The following TDRP variants were observed in gnomAD, a reference collection of about 807,000 sequenced individuals.
TDRP encodes testis development-related protein.
A neutral mutation model predicts 10.5 loss-of-function variants in TDRP; 12 were observed. The ratio of observed to expected loss-of-function variants is 1.15; its 90% CI spans 0.73 to 1.86. The LOEUF is 1.86. TDRP is among the 40% of genes most tolerant of loss of function. The pLI, the probability that TDRP is intolerant of heterozygous loss-of-function variation, is 0.00. For synonymous variants in TDRP, 139 were observed against 95.4 expected, an observed-to-expected ratio of 1.46 and a Z score of -2.67; for missense variants, 353 against 229.2, an observed-to-expected ratio of 1.54 and a Z score of -3.49.
intron 1 of TDRP, among the ~76,000 whole-genome samples, chr8:514,283 G>C (rs1232806499): frequency 1.3e-5 from 2 of 152,292 alleles, no homozygotes; most frequent in East Asian, 3.9e-4. Flanking sequence ...AAAGAACTAA[G>C]CGTCCAGAAA....
chr8:543,244 T>C (rs1350759640), intron 1 of TDRP, among the ~76,000 whole-genome samples: 2 of 152,024 alleles, frequency 1.3e-5, no homozygotes, highest in Non-Finnish European at 2.9e-5. Context: ...CCCAGGCAGG[T>C]TGAGGCCGTA....
chr8:533,884 A>T (rs990760863), intron 1 of TDRP, among the ~76,000 whole-genome samples: 1 of 152,216 alleles, frequency 6.6e-6, no homozygotes, highest in Admixed American at 6.5e-5. Context: ...TATCTCCCAT[A>T]GTAAGACTCT....
At chr8:499,631 A>G (rs1338635392) in intron 1 of TDRP, among the ~76,000 whole-genome samples, 1 of 152,358 alleles carries the variant, frequency 6.6e-6, no homozygotes, top group Non-Finnish European at 1.5e-5. Context: ...TCGAAGTGTG[A>G]GCGTGAGGAG....
intron 1 of TDRP, among the ~76,000 whole-genome samples, chr8:496,301 T>A (rs907216695): frequency 6.6e-6 from 1 of 152,194 alleles, no homozygotes; most frequent in South Asian, 2.1e-4. Context: ...TGACAGAGCA[T>A]GTGGCAGGAT....
At chr8:514,445 A>C (rs543282143) in intron 1 of TDRP, among the ~76,000 whole-genome samples, 78 of 152,278 alleles carry the variant, frequency 5.1e-4, no homozygotes, top group Admixed American at 2.4e-3. Flanking sequence ...GCCTCCCACC[A>C]AGGGAACTGC....
chr8:533,242 T>C (rs145727020), intron 1 of TDRP, among the ~76,000 whole-genome samples: 1,709 of 152,322 alleles, frequency 0.011, 40 homozygotes, highest in African/African-American at 0.039. Context: ...TCTGACCCCA[T>C]GTCACTGCTG....
At chr8:545,421 A>T (rs1385508398), upstream of TDRP, among the ~76,000 whole-genome samples, 1 of 86,634 alleles carries the variant, frequency 1.2e-5, no homozygotes, top group African/African-American at 4.4e-5. Flanking sequence ...TCCCCCGCCG[A>T]CCCCCACTTA....
intron 1 of TDRP, among the ~76,000 whole-genome samples, chr8:520,861 G>T (rs7009270): frequency 0.03 from 4,607 of 152,226 alleles, 116 homozygotes; most frequent in Non-Finnish European, 0.047. Flanking sequence ...AGATATGGCT[G>T]AGAAATATTT....
rs941514809 is a variant in TDRP at position 490,891 on chromosome 8, G to T, written c.*1508C>A. On this transcript the variant is annotated 3_prime_UTR_variant, in exon 3 of 3. Transcript: ENST00000324079. Reference sequence around the variant, plus strand: ...ACTTCTTGTTCTATTAAAAAAAAAAGTAGATGATTGACAGAAGGCTAGATG... The same window carrying T: ...ACTTCTTGTTCTATTAAAAAAAAAATTAGATGATTGACAGAAGGCTAGATG... 5.3e-5 allele frequency: 8 copies of T among 152,016 alleles called. No individual in the cohort carries two copies. Among genetic ancestry groups the T allele is most frequent in the Non-Finnish European group, 1.2e-4 (8 of 68,008 alleles). The allele number at this position is 152,016 out of a possible 1,614,324, so 9.4% of individuals were successfully genotyped here. A position where few individuals can be genotyped will look rare whatever the true frequency, so the allele number is the denominator to read the frequency against.
At chr8:536,336 A>T (rs1563132964) in intron 1 of TDRP, among the ~76,000 whole-genome samples, 2 of 152,222 alleles carry the variant, frequency 1.3e-5, no homozygotes, top group Admixed American at 6.5e-5. Flanking sequence ...TGTGCTTTCC[A>T]AATCAGTTGG....
chr8:493,565 T>G (rs1379436796), intron 2 of TDRP, among the ~76,000 whole-genome samples: 1 of 152,222 alleles, frequency 6.6e-6, no homozygotes, highest in Non-Finnish European at 1.5e-5. Context: ...CATCTTCTAA[T>G]CAAACAGCTT....
intron 1 of TDRP, among the ~76,000 whole-genome samples, chr8:514,767 G>A (rs999779209): frequency 3.3e-5 from 5 of 151,958 alleles, no homozygotes; most frequent in Non-Finnish European, 5.9e-5. Context: ...ATAGGGGAAG[G>A]CCCACCCGAG....
intron 1 of TDRP, among the ~76,000 whole-genome samples, chr8:514,614 A>T (rs779173157): frequency 5.9e-5 from 9 of 152,172 alleles, no homozygotes; most frequent in Non-Finnish European, 1.0e-4. Context: ...CCATGTGGCC[A>T]CAAAACCACC....
intron 1 of TDRP, among the ~76,000 whole-genome samples, chr8:503,656 C>A (rs1233567722): frequency 6.6e-6 from 1 of 150,914 alleles, no homozygotes; most frequent in Admixed American, 6.6e-5. Context: ...GGAACCAATG[C>A]CCACCTCAAC....
At chr8:505,699 A>C (rs1801441836) in intron 1 of TDRP, among the ~76,000 whole-genome samples, 1 of 152,192 alleles carries the variant, frequency 6.6e-6, no homozygotes, top group African/African-American at 2.4e-5. Context: ...TAGATTGAGA[A>C]CTGTAAGAAA....
intron 1 of TDRP, 142 bp from the exon 2 acceptor site, chr8:494,739 A>G: frequency 1.5e-6 from 1 of 689,184 alleles, no homozygotes; most frequent in Non-Finnish European, 2.4e-6. Context: ...CTGTGCGCAC[A>G]TAGTTTACTC....
chr8:532,494 G>A (rs1476260917), intron 1 of TDRP, among the ~76,000 whole-genome samples: 4 of 152,202 alleles, frequency 2.6e-5, no homozygotes, highest in African/African-American at 9.7e-5. Context: ...AATCACAACT[G>A]TTCTAAATGT....
chr8:531,510 G>A (rs1802196939), intron 1 of TDRP, among the ~76,000 whole-genome samples: 1 of 152,064 alleles, frequency 6.6e-6, no homozygotes, highest in Non-Finnish European at 1.5e-5. Context: ...CTGAATTGTA[G>A]GACACCCAGC....
At chr8:497,587 C>T (rs951482425) in intron 1 of TDRP, among the ~76,000 whole-genome samples, 3 of 152,114 alleles carry the variant, frequency 2.0e-5, no homozygotes, top group African/African-American at 7.2e-5. Context: ...GCAGCCTGAC[C>T]CTGCAAATGG....
Sources: allele counts gnomAD v4.1 joint callset (sites outside exome capture counted in the v4.1 genomes callset), GRCh38; gene constraint gnomAD v4.1.1; transcripts MANE v1.5; gene names NCBI Gene and HGNC (gene_info 2026-07-23, HGNC 2026-07-21).